Variants in CD2AP observed in about 807,000 individuals in gnomAD.
CD2AP encodes CD2 associated protein, also known as CD2-associated protein.
A neutral mutation model predicts 85.1 loss-of-function variants in CD2AP; 46 were observed. The ratio of observed to expected loss-of-function variants is 0.54; its 90% CI spans 0.43 to 0.69. The LOEUF (loss-of-function observed/expected upper bound fraction) is 0.69. Among genes scored for constraint, CD2AP ranks in the 30% least tolerant of loss-of-function variants. The pLI, the probability that CD2AP is intolerant of heterozygous loss-of-function variation, is 0.00. For missense variants in CD2AP, 769 were observed against 729.5 expected (o/e 1.05, Z -0.62); for synonymous variants, 255 against 252.9 (o/e 1.01, Z -0.08).
At chr6:47,582,538 G>A (rs918250148) in intron 11 of CD2AP, among the ~76,000 whole-genome samples, 1 of 152,080 alleles carries the variant, frequency 6.6e-6, no homozygotes, top group African/African-American at 2.4e-5. Flanking sequence ...TGTGAATTTG[G>A]AGAAAATAAG....
At chr6:47,505,864 T>C (rs1268888481) in intron 2 of CD2AP, among the ~76,000 whole-genome samples, 2 of 106,152 alleles carry the variant, frequency 1.9e-5, no homozygotes, top group Non-Finnish European at 3.8e-5. Flanking sequence ...ACCCCCCACC[T>C]CCCTCCCGGA....
At chr6:47,608,244 C>T (rs1769329958) in intron 15 of CD2AP, among the ~76,000 whole-genome samples, 1 of 152,112 alleles carries the variant, frequency 6.6e-6, no homozygotes, top group Non-Finnish European at 1.5e-5. Context: ...ATAAATATTA[C>T]ATATTTCATA....
At position 47,625,027 on chromosome 6, in the gene CD2AP, C is replaced by A. The variant is rs978393001; in HGVS notation, c.*800C>A. 1.3e-5 allele frequency: 2 copies of A among 151,856 alleles called. No individual in the cohort carries two copies. The highest frequency in any genetic ancestry group is 2.4e-5 in the African/African-American group (1 of 41,404). The allele number at this position is 151,856 out of a possible 1,614,324, so 9.4% of individuals were successfully genotyped here. A position where few individuals can be genotyped will look rare whatever the true frequency, so the allele number is the denominator to read the frequency against. On this transcript the variant is annotated 3_prime_UTR_variant, in exon 18 of 18. Coordinates refer to ENST00000359314, the MANE Select transcript of CD2AP (RefSeq NM_012120.3). The stretch of plus-strand genomic sequence containing the variant: ...TTTAAATTTGTTAGGTCTGAAGAAT[C>A]TAAAACTGTTAATTTAACCCTTAAC...
chr6:47,555,240 AC>A (rs1767648638), intron 5 of CD2AP, among the ~76,000 whole-genome samples: 1 of 152,230 alleles, frequency 6.6e-6, no homozygotes, highest in Admixed American at 6.5e-5. Flanking sequence ...AGACTCACCC[AC>A]AAATTCTTCT....
At chr6:47,514,974 C>T (rs1766415934) in intron 2 of CD2AP, among the ~76,000 whole-genome samples, 1 of 151,864 alleles carries the variant, frequency 6.6e-6, no homozygotes, top group South Asian at 2.1e-4. Flanking sequence ...ATTGCTTGAA[C>T]CCAGGAGGCG....
At chr6:47,539,013 CTG>C (rs1300038988) in intron 3 of CD2AP, among the ~76,000 whole-genome samples, 1 of 152,018 alleles carries the variant, frequency 6.6e-6, no homozygotes, top group Non-Finnish European at 1.5e-5. Context: ...GCCTTTGTAT[CTG>C]TGAGTAGTAT....
intron 11 of CD2AP, among the ~76,000 whole-genome samples, chr6:47,582,846 A>G (rs1209511233): frequency 6.8e-6 from 1 of 147,584 alleles, no homozygotes; most frequent in Non-Finnish European, 1.5e-5. Context: ...GCAGTGGCGC[A>G]ATATCGGCTC....
At chr6:47,537,202 A>G (rs923891703) in intron 3 of CD2AP, among the ~76,000 whole-genome samples, 2 of 152,216 alleles carry the variant, frequency 1.3e-5, no homozygotes, top group African/African-American at 2.4e-5. Flanking sequence ...TTGGGTAGCA[A>G]ATAGTATGCT....
intron 17 of CD2AP, among the ~76,000 whole-genome samples, chr6:47,613,604 G>A (rs1276249637): frequency 1.3e-5 from 2 of 151,366 alleles, no homozygotes; most frequent in Non-Finnish European, 2.9e-5. Context: ...AGGCTTTGTT[G>A]TTCCATTTGT....
At chr6:47,485,446 A>T (rs1765543615) in intron 1 of CD2AP, among the ~76,000 whole-genome samples, 1 of 152,200 alleles carries the variant, frequency 6.6e-6, no homozygotes. Flanking sequence ...TAAGGAAAGA[A>T]AATATTTTTG....
At chr6:47,545,001 A>AC (rs1767328063) in intron 4 of CD2AP, 2 of 256,408 alleles carry the variant, frequency 7.8e-6, no homozygotes, top group South Asian at 1.5e-4. Flanking sequence ...GCAGTGAAAT[A>AC]GAAGGAATTT....
chr6:47,606,104 A>AT, intron 13 of CD2AP, 61 bp from the exon 14 acceptor site: 7 of 908,644 alleles, frequency 7.7e-6, no homozygotes, highest in South Asian at 5.6e-5. Context: ...CTGAAACATT[A>AT]TTTTTTACCT....
At chr6:47,490,808 C>T (rs796159539) in intron 1 of CD2AP, among the ~76,000 whole-genome samples, 14 of 152,140 alleles carry the variant, frequency 9.2e-5, no homozygotes, top group African/African-American at 3.4e-4. Context: ...GTGTATTGTA[C>T]TATGCAAACC....
chr6:47,624,072 T>TG, intron 17 of CD2AP, 114 bp from the exon 18 acceptor site: 1 of 878,462 alleles, frequency 1.1e-6, no homozygotes, highest in South Asian at 1.5e-5. Context: ...ATTTTAGGTC[T>TG]GGAAAAAAAG....
chr6:47,521,383 C>T (rs935412692), intron 2 of CD2AP, among the ~76,000 whole-genome samples: 2 of 152,030 alleles, frequency 1.3e-5, no homozygotes, highest in African/African-American at 4.8e-5. Flanking sequence ...GAAACCCCGT[C>T]TCTACTAAAT....
intron 2 of CD2AP, among the ~76,000 whole-genome samples, chr6:47,516,732 G>T (rs1766462067): frequency 6.6e-6 from 1 of 152,016 alleles, no homozygotes; most frequent in African/African-American, 2.4e-5. Flanking sequence ...GACAAATGAT[G>T]TTTTAGTTTG....
intron 1 of CD2AP, among the ~76,000 whole-genome samples, chr6:47,503,055 C>T (rs1766038405): frequency 6.6e-6 from 1 of 152,098 alleles, no homozygotes; most frequent in African/African-American, 2.4e-5. Context: ...CATTATTTTT[C>T]TTTTGAGGCT....
chr6:47,608,116 C>A (rs1250470122), intron 15 of CD2AP, 88 bp downstream of exon 15: 24 of 923,640 alleles, frequency 2.6e-5, no homozygotes, highest in Non-Finnish European at 4.2e-5. Flanking sequence ...TTCTTTAGGA[C>A]GAATTATTTT....
In CD2AP at chr6:47,566,311, TATATATATA is replaced by T. The variant is rs1273512799; in HGVS notation, c.542-7752_542-7744del. ...CTACCTGCTCATTAGAATATATATATATATATATATATACACATACACATATATATATAT... is the reference window on the plus strand; with the variant it reads ...CTACCTGCTCATTAGAATATATATATTATACACATACACATATATATATAT... On this transcript the variant is annotated intron_variant, in intron 5 of 17. Transcript: ENST00000359314. 4.5e-4 allele frequency among the ~76,000 whole-genome samples: 26 copies of T among 58,022 alleles called. 1 individual carries two copies. Among genetic ancestry groups the T allele is most frequent in the Non-Finnish European group, 1.0e-3 (24 of 23,326 alleles). 38.1% of individuals were successfully genotyped at this position (58,022 alleles called of 152,430 possible).
Sources: gnomAD v4.1 joint callset for allele counts (sites outside exome capture counted in the v4.1 genomes callset) on GRCh38, gnomAD v4.1.1 for gene constraint, MANE v1.5 for transcripts, NCBI Gene and HGNC (gene_info 2026-07-23, HGNC 2026-07-21) for gene names.